Variants in PAX7 observed in about 807,000 individuals in gnomAD.
PAX7 encodes paired box protein Pax-7.
In PAX7, 18 loss-of-function variants were observed where a neutral mutation model predicts 50.7. That is an observed-to-expected ratio of 0.36 (90% CI 0.25 to 0.53). PAX7 has a LOEUF of 0.53. Among genes scored for constraint, PAX7 ranks in the 20% least tolerant of loss-of-function variants. The pLI is 0.93. For missense variants in PAX7, 644 were observed against 702.9 expected, an observed-to-expected ratio of 0.92 and a Z score of 0.95; for synonymous variants, 310 against 290.4, an observed-to-expected ratio of 1.07 and a Z score of -0.69.
intron 4 of PAX7, among the ~76,000 whole-genome samples, chr1:18,681,903 C>A (rs2088907040): frequency 6.6e-6 from 1 of 151,978 alleles, no homozygotes; most frequent in Non-Finnish European, 1.5e-5. Context: ...ACATGTCTGG[C>A]TAATTTTGTA....
At chr1:18,660,699 G>A (rs1570136484) in intron 4 of PAX7, among the ~76,000 whole-genome samples, 1 of 152,132 alleles carries the variant, frequency 6.6e-6, no homozygotes, top group Non-Finnish European at 1.5e-5. Flanking sequence ...ACCAGGACTG[G>A]CAGGGCTATA....
chr1:18,664,681 C>T (rs1386933528), intron 4 of PAX7, among the ~76,000 whole-genome samples: 1 of 152,142 alleles, frequency 6.6e-6, no homozygotes, highest in Non-Finnish European at 1.5e-5. Flanking sequence ...AATGTCAGAT[C>T]TGGGGTGAGG....
intron 4 of PAX7, among the ~76,000 whole-genome samples, chr1:18,663,801 G>A (rs937071422): frequency 9.9e-5 from 15 of 152,262 alleles, no homozygotes; most frequent in African/African-American, 3.6e-4. Context: ...AAGTATAACA[G>A]CCTGTGGTGA....
intron 4 of PAX7, among the ~76,000 whole-genome samples, chr1:18,666,995 G>T (rs1296949743): frequency 6.6e-6 from 1 of 152,118 alleles, no homozygotes; most frequent in African/African-American, 2.4e-5. Flanking sequence ...ATTGAGAAGG[G>T]TCCCTGAGAC....
chr1:18,696,722 G>C (rs990037094), intron 5 of PAX7, among the ~76,000 whole-genome samples: 4 of 152,164 alleles, frequency 2.6e-5, no homozygotes, highest in Admixed American at 2.0e-4. Context: ...TGGAGATAGA[G>C]AGTAGAAGGA....
Position 18,745,234 on chromosome 1 carries a change from G to A in PAX7, c.*305G>A, listed in dbSNP as rs111380199. Reference sequence around the variant, plus strand: ...GTGCCATCTCAGGCATGGAGATTGGGGCCCACCTTGAACACCTTGGGTGTC... The same window carrying A: ...GTGCCATCTCAGGCATGGAGATTGGAGCCCACCTTGAACACCTTGGGTGTC... On this transcript the variant is annotated 3_prime_UTR_variant, in exon 9 of 9. Transcript: ENST00000420770. The A allele has an allele frequency of 0.01, 4,365 of 426,898 alleles. 56 individuals carry two copies. Among genetic ancestry groups the A allele is most frequent in the Middle Eastern group, 0.059 (94 of 1,604 alleles). 26.4% of individuals were successfully genotyped at this position (426,898 alleles called of 1,614,324 possible).
intron 8 of PAX7, among the ~76,000 whole-genome samples, chr1:18,741,758 A>G (rs1432292556): frequency 1.3e-5 from 2 of 152,232 alleles, no homozygotes; most frequent in African/African-American, 4.8e-5. Context: ...CCTTGGACAG[A>G]TCGCTTACAT....
intron 7 of PAX7, among the ~76,000 whole-genome samples, chr1:18,716,319 G>A (rs1396389712): frequency 6.6e-5 from 10 of 152,134 alleles, no homozygotes; most frequent in Non-Finnish European, 1.3e-4. Context: ...TGGCTCTGTC[G>A]CCTTCTGAGT....
intron 4 of PAX7, among the ~76,000 whole-genome samples, chr1:18,642,601 C>T (rs1040113869): frequency 1.3e-5 from 2 of 152,182 alleles, no homozygotes; most frequent in East Asian, 1.9e-4. Flanking sequence ...TAGGATGCCC[C>T]CCTCAGTTTT....
intron 4 of PAX7, among the ~76,000 whole-genome samples, chr1:18,639,244 C>T (rs1023010705): frequency 1.3e-5 from 2 of 152,114 alleles, no homozygotes; most frequent in Non-Finnish European, 2.9e-5. Context: ...ACTATTTATC[C>T]GCAATCAGTT....
At chr1:18,706,473 T>C (rs181508809) in intron 7 of PAX7, among the ~76,000 whole-genome samples, 2,409 of 150,166 alleles carry the variant, frequency 0.016, 35 homozygotes, top group Non-Finnish European at 0.024. Flanking sequence ...TTTTTTTTTT[T>C]TTTTTTGAGA....
At chr1:18,653,221 A>G (rs928148330) in intron 4 of PAX7, among the ~76,000 whole-genome samples, 2 of 151,154 alleles carry the variant, frequency 1.3e-5, no homozygotes, top group Non-Finnish European at 2.9e-5. Flanking sequence ...TTTTACACGA[A>G]TGGGCTTCCT....
At chr1:18,725,308 C>CCT (rs1245846655) in intron 7 of PAX7, among the ~76,000 whole-genome samples, 1 of 55,450 alleles carries the variant, frequency 1.8e-5, no homozygotes, top group Non-Finnish European at 3.5e-5. Context: ...AGACGCCCCC[C>CCT]CCCCGCCCCA....
intron 7 of PAX7, among the ~76,000 whole-genome samples, chr1:18,713,459 A>G (rs147614109): frequency 5.0e-4 from 76 of 152,372 alleles, no homozygotes; most frequent in Middle Eastern, 6.8e-3. Context: ...GCTGTAGTCC[A>G]TTCTCAGGAG....
intron 7 of PAX7, among the ~76,000 whole-genome samples, chr1:18,725,995 C>T (rs10907328): frequency 0.75 from 104,162 of 138,668 alleles, 36,099 homozygotes; most frequent in East Asian, 0.83. Context: ...TGTGTGTGTG[C>T]GCGCGCGCGC....
intron 4 of PAX7, among the ~76,000 whole-genome samples, chr1:18,684,757 C>A (rs1346584066): frequency 1.3e-5 from 2 of 152,210 alleles, no homozygotes; most frequent in Admixed American, 1.3e-4. Flanking sequence ...TGCCGCAGCT[C>A]AACACCGGGG....
At chr1:18,732,606 G>A (rs1229669209) in intron 7 of PAX7, among the ~76,000 whole-genome samples, 1 of 152,244 alleles carries the variant, frequency 6.6e-6, no homozygotes. Context: ...AAAGTGCAGG[G>A]TAGAAAGGGG....
chr1:18,662,246 A>G (rs1234801344), intron 4 of PAX7, among the ~76,000 whole-genome samples: 2 of 152,194 alleles, frequency 1.3e-5, no homozygotes, highest in Non-Finnish European at 2.9e-5. Context: ...GCCTTGGCCA[A>G]GCTACTCCTG....
chr1:18,693,828 G>A (rs2089112246), intron 5 of PAX7, among the ~76,000 whole-genome samples: 1 of 152,200 alleles, frequency 6.6e-6, no homozygotes, highest in South Asian at 2.1e-4. Context: ...CCACCTTGAA[G>A]CCTGACTGCT....
Sources: allele counts gnomAD v4.1 joint callset (sites outside exome capture counted in the v4.1 genomes callset), GRCh38; gene constraint gnomAD v4.1.1; transcripts MANE v1.5; gene names NCBI Gene and HGNC (gene_info 2026-07-23, HGNC 2026-07-21).